RPS7: variants seen among roughly 807,000 people sequenced by gnomAD.
RPS7 encodes small ribosomal subunit protein eS7.
RPS7 carries 1 observed loss-of-function variant against 22.1 expected under a neutral mutation model. The observed-to-expected ratio is 0.05, with a 90% confidence interval of 0.02 to 0.21. The LOEUF (loss-of-function observed/expected upper bound fraction) is 0.21. Ranked by LOEUF, RPS7 falls within the 10% of genes least tolerant of loss-of-function variation. The probability of loss-of-function intolerance (pLI) is 1.00; values close to 1 mark genes in which losing one functional copy is unlikely to be tolerated. For synonymous variants in RPS7, 80 were observed against 92.0 expected (o/e 0.87, Z 0.74); for missense variants, 137 against 246.4 (o/e 0.56, Z 2.97).
chr2:3,579,057 A>G (rs1661346003), intron 5 of RPS7: 1 of 152,196 alleles, frequency 6.6e-6, no homozygotes, highest in Non-Finnish European at 1.5e-5. Flanking sequence ...GTTTTTGGGT[A>G]TAGCAGGGTT....
intron 6 of RPS7, 167 bp from the exon 7 acceptor site, chr2:3,580,638 G>T (rs1047151498): frequency 2.3e-5 from 15 of 662,372 alleles, no homozygotes; most frequent in African/African-American, 1.4e-4. Flanking sequence ...CTGTCCCACA[G>T]CATTGGAGAA....
Position 3,575,341 on chromosome 2 carries a change from G to T in RPS7, c.-28G>T. 1.9e-6 allele frequency: 1 copy of T among 527,804 alleles called. No individual in the cohort carries two copies. The highest frequency in any genetic ancestry group is 3.4e-6 in the Non-Finnish European group (1 of 297,350). 32.7% of individuals were successfully genotyped at this position (527,804 alleles called of 1,614,324 possible). A position where few individuals can be genotyped will look rare whatever the true frequency, so the allele number is the denominator to read the frequency against. ...GATTTGGGTCTCTTCCTAAGCCGGC[G>T]CTCGGCAAGGTAGGTTGGCGGCCTG... On this transcript the variant is annotated 5_prime_UTR_variant, in exon 1 of 7. Transcript: ENST00000645674.
intron 5 of RPS7, 179 bp from the exon 6 acceptor site, chr2:3,579,931 A>AG: frequency 1.5e-6 from 1 of 667,780 alleles, no homozygotes; most frequent in Non-Finnish European, 2.7e-6. Context: ...ACCCTATTCT[A>AG]GGTAGGCAAA....
At chr2:3,576,657 TTC>T in intron 4 of RPS7, 27 bp downstream of exon 4, 1 of 1,613,978 alleles carries the variant, frequency 6.2e-7, no homozygotes, top group African/African-American at 1.3e-5. Flanking sequence ...TGCAGCACGT[TTC>T]TGTTTGTGAA....
At position 3,575,839 on chromosome 2, in the gene RPS7, A is replaced by G; in HGVS notation, c.98A>G (p.Asn33Ser). ...TAGGCTCTTCTGGAGCTGGAGATGA[A>G]CTCGGACCTCAAGGCTCAGCTCAGG... ...ISQALLELEM[N>S]SDLKAQLREL... The change falls in exon 3 of 7, where the codon AAC becomes AGC. Residue 33 changes from asparagine (N) to serine (S), a missense_variant. Transcript: ENST00000645674. 6.2e-7 allele frequency: 1 copy of G among 1,612,142 alleles called. No homozygotes were observed. The highest frequency in any genetic ancestry group is 1.3e-5 in the African/African-American group (1 of 74,976).
Position 3,576,515 on chromosome 2 carries a change from C to T in RPS7, c.176C>T (p.Ala59Val). 6.2e-7 allele frequency: 1 copy of T among 1,613,898 alleles called. No homozygotes were observed. Among genetic ancestry groups the T allele is most frequent in the Non-Finnish European group, 8.5e-7 (1 of 1,179,826 alleles). The change falls in exon 4 of 7, where the codon GCT (alanine) becomes GTT (valine). Residue 59 changes from alanine (A) to valine (V), a missense_variant. Transcript: ENST00000645674. Reference sequence around the variant, plus strand: ...ATTGAAGTTGGTGGTGGTCGGAAAGCTATCATAATCTTTGTTCCCGTTCCT... The same window carrying T: ...ATTGAAGTTGGTGGTGGTCGGAAAGTTATCATAATCTTTGTTCCCGTTCCT... ...KEIEVGGGRK[A>V]IIIFVPVPQL...
chr2:3,577,488 G>C, intron 4 of RPS7: 1 of 573,618 alleles, frequency 1.7e-6, no homozygotes, highest in Non-Finnish European at 3.1e-6. Flanking sequence ...GTCCACTGGC[G>C]TATTAGTAGA....
rs749792591 is a variant in RPS7 at position 3,575,868 on chromosome 2, C to T, written c.127C>T (p.Leu43=). ...GGACCTCAAGGCTCAGCTCAGGGAG[C>T]TGAATATTACGGCAGCTAAGGTAAG... The part of the protein sequence containing the change: ...NSDLKAQLRE[L]NITAAKEIEV... The change falls in exon 3 of 7, where the codon CTG becomes TTG. Residue 43 remains leucine (L), a synonymous_variant. Coordinates refer to ENST00000645674, the MANE Select transcript of RPS7 (RefSeq NM_001011.4). The T allele has an allele frequency of 2.5e-6, 4 of 1,610,684 alleles. No homozygotes were observed. The highest frequency in any genetic ancestry group is 2.2e-5 in the South Asian group (2 of 90,794).
intron 4 of RPS7, 104 bp from the exon 5 acceptor site, chr2:3,577,606 T>A: frequency 1.2e-6 from 1 of 844,000 alleles, no homozygotes; most frequent in Non-Finnish European, 2.0e-6. Context: ...AACTTTGAAC[T>A]TACCCTGCCA....
rs1386637777 is a variant in RPS7, at chr2:3,580,897, A to T, written c.*15A>T. On this transcript the variant is annotated 3_prime_UTR_variant, in exon 7 of 7. Coordinates refer to ENST00000645674, the MANE Select transcript of RPS7 (RefSeq NM_001011.4). Reference sequence around the variant, plus strand: ...TTCAATTGTAAACAAAAATGACTAAATAAAAAGTATATATTCACAGTACTC... The same window carrying T: ...TTCAATTGTAAACAAAAATGACTAATTAAAAAGTATATATTCACAGTACTC... The T allele has an allele frequency of 7.3e-7, 1 of 1,360,716 alleles. No homozygotes were observed. Among genetic ancestry groups the T allele is most frequent in the South Asian group, 1.2e-5 (1 of 86,136 alleles). 84.3% of individuals were successfully genotyped at this position (1,360,716 alleles called of 1,614,324 possible).
At chr2:3,576,184 G>C (rs1190934752) in intron 3 of RPS7, 1 of 591,364 alleles carries the variant, frequency 1.7e-6, no homozygotes, top group African/African-American at 1.9e-5. Context: ...ACGGCAAAGA[G>C]CTGTGGGGAG....
At chr2:3,578,215 G>A (rs1661329849) in intron 5 of RPS7, 1 of 160,528 alleles carries the variant, frequency 6.2e-6, no homozygotes, top group Admixed American at 6.1e-5. Context: ...AGATGCTGAT[G>A]GAAAATGATT....
chr2:3,580,765 T>C, intron 6 of RPS7, 40 bp from the exon 7 acceptor site: 1 of 1,219,558 alleles, frequency 8.2e-7, no homozygotes. Flanking sequence ...GCTGAGTGTG[T>C]ATTTCAAAGT....
chr2:3,576,124 G>A (rs1188114735), intron 3 of RPS7: 2 of 609,030 alleles, frequency 3.3e-6, no homozygotes, highest in Non-Finnish European at 5.8e-6. Context: ...GTGGAGTAGG[G>A]AGGGCCTGGG....
chr2:3,580,360 A>G lies in RPS7; in HGVS notation c.507+100A>G, dbSNP rs1239775402. The G allele has an allele frequency of 4.8e-6, 5 of 1,039,842 alleles. No homozygotes were observed. In the South Asian group the frequency reaches 6.5e-5, roughly 14 times the overall value. The allele number at this position is 1,039,842 out of a possible 1,614,324, so 64.4% of individuals were successfully genotyped here. A position where few individuals can be genotyped will look rare whatever the true frequency, so the allele number is the denominator to read the frequency against. ...CGCCACCATAGCAATGACTGTAGTA[A>G]ACTCAGGACTAGTTCTTTTACCCGC... On this transcript the variant is annotated intron_variant, in intron 6 of 6. Transcript: ENST00000645674.
intron 4 of RPS7, 175 bp downstream of exon 4, chr2:3,576,805 G>A (rs13408903): frequency 7.1e-5 from 58 of 813,030 alleles, no homozygotes; most frequent in Non-Finnish European, 1.2e-4. Context: ...CCAGCACGGG[G>A]AGGTGGAGGC....
chr2:3,576,197 C>G, intron 3 of RPS7: 2 of 591,888 alleles, frequency 3.4e-6, no homozygotes, highest in Non-Finnish European at 6.0e-6. Context: ...GTGGGGAGCT[C>G]AGGATGAGAT....
At position 3,576,209 on chromosome 2, in the gene RPS7, C is replaced by T. The variant is rs1204075421; in HGVS notation, c.148-278C>T. The stretch of plus-strand genomic sequence containing the variant: ...GCTGTGGGGAGCTCAGGATGAGATT[C>T]TCTCTACCCTTAGCCCGGAGTTGCC... On this transcript the variant is annotated intron_variant, in intron 3 of 6. Transcript: ENST00000645674. The T allele has an allele frequency of 6.7e-6, 4 of 593,404 alleles. No homozygotes were observed. In the East Asian group the frequency reaches 8.5e-5, roughly 13 times the overall value. 36.8% of individuals were successfully genotyped at this position (593,404 alleles called of 1,614,324 possible).
chr2:3,575,697 C>T lies in RPS7; in HGVS notation c.75+13C>T, dbSNP rs751796318. On this transcript the variant is annotated intron_variant, in intron 2 of 6. Coordinates refer to ENST00000645674, the MANE Select transcript of RPS7 (RefSeq NM_001011.4). Reference sequence around the variant, plus strand: ...CGGCATCTCCCAGGTGAGAGGGTTTCCCTGGGGTCTGGGGTGGGGGGAGGC... The same window carrying T: ...CGGCATCTCCCAGGTGAGAGGGTTTTCCTGGGGTCTGGGGTGGGGGGAGGC... The T allele has an allele frequency of 1.0e-4, 167 of 1,609,864 alleles. 1 individual carries two copies. The highest frequency in any genetic ancestry group is 2.4e-4 in the South Asian group (22 of 90,974).
Sources: allele counts gnomAD v4.1 joint callset, GRCh38; gene constraint gnomAD v4.1.1; transcripts MANE v1.5; gene names NCBI Gene and HGNC (gene_info 2026-07-23, HGNC 2026-07-21).